Variants in CACNA1D observed in about 807,000 individuals in gnomAD.
CACNA1D encodes calcium voltage-gated channel subunit alpha1 D.
CACNA1D carries 55 observed loss-of-function variants against 257.1 expected under a neutral mutation model. The observed-to-expected ratio is 0.21, with a 90% CI of 0.17 to 0.27. The LOEUF is 0.27. Among genes scored for constraint, CACNA1D ranks in the 10% least tolerant of loss-of-function variants. CACNA1D has a pLI of 1.00. For synonymous variants in CACNA1D, 980 were observed against 1,014.9 expected (o/e 0.97, Z 0.65); for missense variants, 1,876 against 2,784.0 (o/e 0.67, Z 7.34).
intron 3 of CACNA1D, among the ~76,000 whole-genome samples, chr3:53,556,403 A>G (rs1428982043): frequency 6.6e-6 from 1 of 152,212 alleles, no homozygotes; most frequent in Non-Finnish European, 1.5e-5. Flanking sequence ...ATTCTTGCCA[A>G]CACTTAATCG....
chr3:53,709,616 C>T (rs62253776), intron 9 of CACNA1D, among the ~76,000 whole-genome samples: 19,146 of 152,192 alleles, frequency 0.13, 1,521 homozygotes, highest in East Asian at 0.33. Flanking sequence ...CACACTGCTT[C>T]GCACAACCCT....
intron 3 of CACNA1D, among the ~76,000 whole-genome samples, chr3:53,531,979 C>G (rs1349520395): frequency 6.6e-6 from 1 of 152,128 alleles, no homozygotes. Flanking sequence ...GGGATCCCCT[C>G]GGTCTTTGGT....
chr3:53,516,785 A>G (rs1291787556), intron 3 of CACNA1D, among the ~76,000 whole-genome samples: 1 of 152,234 alleles, frequency 6.6e-6, no homozygotes, highest in Non-Finnish European at 1.5e-5. Flanking sequence ...ACGACAAGCC[A>G]TACGGTAGTT....
chr3:53,698,232 C>T (rs576081799), intron 8 of CACNA1D, among the ~76,000 whole-genome samples: 1 of 152,348 alleles, frequency 6.6e-6, no homozygotes, highest in African/African-American at 2.4e-5. Flanking sequence ...GGGTTCTTCT[C>T]TGTTCCGTGT....
rs2108067154 is a variant in CACNA1D at position 53,624,856 on chromosome 3, T to C, written c.484-25923T>C. ...TAGGGGCAAACAGCGATGGATACCC[T>C]GTTGATATACTGAGAGATGCTAAGA... On this transcript the variant is annotated intron_variant, in intron 3 of 47. Coordinates refer to ENST00000350061, the MANE Select transcript of CACNA1D (RefSeq NM_001128840.3). Among the ~76,000 whole-genome samples, 2 of 152,320 alleles carry C rather than the reference T, an allele frequency of 1.3e-5. 1 individual carries two copies. The highest frequency in any genetic ancestry group is 4.1e-4 in the South Asian group (2 of 4,830).
chr3:53,571,723 T>C (rs2092947575), intron 3 of CACNA1D, among the ~76,000 whole-genome samples: 1 of 152,142 alleles, frequency 6.6e-6, no homozygotes, highest in Non-Finnish European at 1.5e-5. Flanking sequence ...AGGAAAATAA[T>C]ATCGCCTTTT....
chr3:53,749,089 C>T lies in CACNA1D; in HGVS notation c.3315-179C>T, dbSNP rs2095200519. 5 of 702,204 alleles carry T rather than the reference C, an allele frequency of 7.1e-6. No homozygotes were observed. In the East Asian group the frequency reaches 1.3e-4, roughly 19 times the overall value. 43.5% of individuals were successfully genotyped at this position (702,204 alleles called of 1,614,324 possible). Reference sequence around the variant, plus strand: ...TCCTGGGTGCCCCCTCCTCTTAGTGCTGGCTGTTTGGGCCTGAGGCTGATG... The same window carrying T: ...TCCTGGGTGCCCCCTCCTCTTAGTGTTGGCTGTTTGGGCCTGAGGCTGATG... On this transcript the variant is annotated intron_variant, in intron 26 of 47. Coordinates refer to ENST00000350061, the MANE Select transcript of CACNA1D (RefSeq NM_001128840.3).
At chr3:53,703,965 G>T (rs1444786761) in intron 9 of CACNA1D, among the ~76,000 whole-genome samples, 4 of 152,188 alleles carry the variant, frequency 2.6e-5, no homozygotes, top group Non-Finnish European at 5.9e-5. Flanking sequence ...AGGATGGATG[G>T]ATTGCAGGTG....
chr3:53,727,574 T>A (rs2094948296), intron 15 of CACNA1D, among the ~76,000 whole-genome samples: 1 of 152,126 alleles, frequency 6.6e-6, no homozygotes, highest in Admixed American at 6.5e-5. Context: ...CACCCTCTAA[T>A]CCTAGACTTC....
rs572991422 is a variant in CACNA1D, at chr3:53,698,511, T to C, written c.1221-4130T>C. ...TTCTCCTTCAGTCTGGTTATGGTAT[T>C]CATTTGAATTACAGATTTGTTTGTT... On this transcript the variant is annotated intron_variant, in intron 8 of 47. Coordinates refer to ENST00000350061, the MANE Select transcript of CACNA1D (RefSeq NM_001128840.3). Among the ~76,000 whole-genome samples, 81 of 152,380 alleles carry C rather than the reference T, an allele frequency of 5.3e-4. No individual in the cohort carries two copies. In the Middle Eastern group the frequency reaches 0.01, roughly 19 times the overall value.
In CACNA1D at chr3:53,726,737, G is replaced by C. The variant is rs1218904328; in HGVS notation, c.2101-142G>C. The C allele has an allele frequency of 8.9e-6, 8 of 897,716 alleles. No homozygotes were observed. The East Asian group carries it at 1.9e-4, about 22-fold the overall frequency. 55.6% of individuals were successfully genotyped at this position (897,716 alleles called of 1,614,324 possible). A position where few individuals can be genotyped will look rare whatever the true frequency, so the allele number is the denominator to read the frequency against. ...AAAAACAGTGTTTTAGAAATTCCAT[G>C]GGATAACAGATGGATTTGTTCAGTG... On this transcript the variant is annotated intron_variant, in intron 14 of 47. Coordinates refer to ENST00000350061, the MANE Select transcript of CACNA1D (RefSeq NM_001128840.3).
chr3:53,634,719 G>A (rs571758725), intron 3 of CACNA1D, among the ~76,000 whole-genome samples: 2 of 152,314 alleles, frequency 1.3e-5, no homozygotes, highest in East Asian at 3.9e-4. Flanking sequence ...TGCAAACCGT[G>A]TGCCAGGCAT....
intron 3 of CACNA1D, among the ~76,000 whole-genome samples, chr3:53,624,996 G>A (rs1049569125): frequency 4.6e-5 from 7 of 152,144 alleles, no homozygotes; most frequent in Non-Finnish European, 8.8e-5. Flanking sequence ...GGGGAAGAAC[G>A]TGTGTGTGTG....
chr3:53,534,112 T>C (rs974276318), intron 3 of CACNA1D, among the ~76,000 whole-genome samples: 1 of 152,150 alleles, frequency 6.6e-6, no homozygotes, highest in East Asian at 1.9e-4. Flanking sequence ...CCTCCTTGGA[T>C]ACCTCTCGAC....
At chr3:53,763,041 G>T (rs536421801) in intron 30 of CACNA1D, among the ~76,000 whole-genome samples, 7 of 152,290 alleles carry the variant, frequency 4.6e-5, no homozygotes, top group Admixed American at 2.0e-4. Context: ...ATGGTTCTGT[G>T]AGGGCACAGG....
In CACNA1D at chr3:53,497,552, A is replaced by G; in HGVS notation, c.377+91A>G. On this transcript the variant is annotated intron_variant, in intron 2 of 47. Coordinates refer to ENST00000350061, the MANE Select transcript of CACNA1D (RefSeq NM_001128840.3). Reference sequence around the variant, plus strand: ...GCTTTCTGAAGTGACACAAAGCTGTAGCAGTCTGGAATGCGAGTAACAGAA... The same window carrying G: ...GCTTTCTGAAGTGACACAAAGCTGTGGCAGTCTGGAATGCGAGTAACAGAA... 3.0e-6 allele frequency: 4 copies of G among 1,316,434 alleles called. No homozygotes were observed. In the South Asian group the frequency reaches 3.6e-5, roughly 12 times the overall value. 81.5% of individuals were successfully genotyped at this position (1,316,434 alleles called of 1,614,324 possible). A position where few individuals can be genotyped will look rare whatever the true frequency, so the allele number is the denominator to read the frequency against.
At position 53,495,390 on chromosome 3, in the gene CACNA1D, G is replaced by T. The variant is rs1381678445; in HGVS notation, c.67+157G>T. Among the ~76,000 whole-genome samples, 1 of 152,292 alleles carries T rather than the reference G, an allele frequency of 6.6e-6. No individual in the cohort carries two copies. Among genetic ancestry groups the T allele is most frequent in the East Asian group, 1.9e-4 (1 of 5,172 alleles). On this transcript the variant is annotated intron_variant, in intron 1 of 47. Coordinates refer to ENST00000350061, the MANE Select transcript of CACNA1D (RefSeq NM_001128840.3). The surrounding 1 kb of genome is among the most constrained non-coding windows in gnomAD (Gnocchi z 5.1). ...ACACAGAGAGGGGACATGCGTGACA[G>T]CCACTCCGCGCTCCCCTCCAGGCCC...
intron 7 of CACNA1D, among the ~76,000 whole-genome samples, chr3:53,669,210 C>T (rs1041546546): frequency 3.3e-5 from 5 of 152,250 alleles, no homozygotes; most frequent in African/African-American, 9.6e-5. Flanking sequence ...GCCAAGGAAC[C>T]AAGCCTTCCT....
chr3:53,690,260 G>C (rs7636496), intron 8 of CACNA1D, among the ~76,000 whole-genome samples: 5 of 152,196 alleles, frequency 3.3e-5, no homozygotes, highest in Admixed American at 6.5e-5. Flanking sequence ...GTCTGTGCTC[G>C]TACATCCTCA....
Sources: allele counts gnomAD v4.1 joint callset (sites outside exome capture counted in the v4.1 genomes callset), GRCh38; gene constraint gnomAD v4.1.1; non-coding constraint Gnocchi (gnomAD v3.1); transcripts MANE v1.5; gene names NCBI Gene and HGNC (gene_info 2026-07-23, HGNC 2026-07-21).